Variants in TAMM41 observed in about 807,000 individuals in gnomAD.
The protein encoded by TAMM41 is TAM41 mitochondrial translocator assembly and maintenance homolog.
Under a neutral mutation model 44.1 loss-of-function variants are expected in TAMM41, and 36 were observed. That is an observed-to-expected ratio of 0.82 (90% CI 0.63 to 1.08). The LOEUF is 1.08. Ranked by LOEUF, TAMM41 falls within the 50% of genes least tolerant of loss-of-function variation. TAMM41 has a pLI of 0.00. For missense variants in TAMM41, 417 were observed against 404.3 expected, an observed-to-expected ratio of 1.03 and a Z score of -0.27; for synonymous variants, 164 against 153.1, an observed-to-expected ratio of 1.07 and a Z score of -0.53.
At chr3:11,820,176 C>A (rs142546312) in intron 4 of TAMM41, among the ~76,000 whole-genome samples, 1 of 152,090 alleles carries the variant, frequency 6.6e-6, no homozygotes, top group Non-Finnish European at 1.5e-5. Context: ...AATCCTTACA[C>A]GTATAAAAAT....
chr3:11,775,171 T>A, the TAMM41 span, among the ~76,000 whole-genome samples: 3 of 151,888 alleles, frequency 2.0e-5, no homozygotes, highest in African/African-American at 4.8e-5. Flanking sequence ...TGGCCTTTTT[T>A]AATATTAAGA....
At chr3:11,755,789 C>A in the TAMM41 span, among the ~76,000 whole-genome samples, 1 of 152,168 alleles carries the variant, frequency 6.6e-6, no homozygotes, top group Admixed American at 6.5e-5. Flanking sequence ...CTTCCAGAAC[C>A]GGCTCTTACA....
At chr3:11,770,361 C>G in the TAMM41 span, among the ~76,000 whole-genome samples, 104,237 of 151,996 alleles carry the variant, frequency 0.69, 37,327 homozygotes, top group Admixed American at 0.78. Context: ...GGTCCAGCCT[C>G]TCTAACAACT....
the TAMM41 span, among the ~76,000 whole-genome samples, chr3:11,779,005 G>C: frequency 6.6e-6 from 1 of 152,128 alleles, no homozygotes; most frequent in Non-Finnish European, 1.5e-5. Flanking sequence ...CCCAACGTTG[G>C]AAATGGGGCC....
chr3:11,755,358 G>A, the TAMM41 span, among the ~76,000 whole-genome samples: 91 of 152,254 alleles, frequency 6.0e-4, no homozygotes, highest in African/African-American at 2.1e-3. Flanking sequence ...AAGAAGAGTC[G>A]GCTTGTGGGG....
chr3:11,754,968 G>A, the TAMM41 span, among the ~76,000 whole-genome samples: 1 of 152,040 alleles, frequency 6.6e-6, no homozygotes, highest in African/African-American at 2.4e-5. Flanking sequence ...CCAAAGTGCT[G>A]GGATTACAGG....
At chr3:11,745,365 A>T in the TAMM41 span, among the ~76,000 whole-genome samples, 1 of 152,210 alleles carries the variant, frequency 6.6e-6, no homozygotes, top group African/African-American at 2.4e-5. Context: ...ACTCAAAGAG[A>T]TATTAGTATA....
chr3:11,811,788 G>A (rs189277291), intron 5 of TAMM41, among the ~76,000 whole-genome samples: 24 of 152,318 alleles, frequency 1.6e-4, no homozygotes, highest in Admixed American at 9.8e-4. Flanking sequence ...TGGGTGAGGG[G>A]AGAGCTGGGG....
chr3:11,746,505 A>G, the TAMM41 span, among the ~76,000 whole-genome samples: 1 of 152,066 alleles, frequency 6.6e-6, no homozygotes. Flanking sequence ...CAAATTGGGG[A>G]ATATTCCTGC....
chr3:11,763,063 A>T, the TAMM41 span, among the ~76,000 whole-genome samples: 1 of 152,184 alleles, frequency 6.6e-6, no homozygotes, highest in Non-Finnish European at 1.5e-5. Flanking sequence ...AATAAAAGAA[A>T]TTGATTTTGA....
At chr3:11,733,382 T>C in the TAMM41 span, among the ~76,000 whole-genome samples, 2 of 152,186 alleles carry the variant, frequency 1.3e-5, no homozygotes, top group African/African-American at 2.4e-5. Context: ...TGAGGCCTTT[T>C]ACCCTTCTGC....
At chr3:11,775,690 A>C in the TAMM41 span, among the ~76,000 whole-genome samples, 31 of 152,354 alleles carry the variant, frequency 2.0e-4, no homozygotes, top group African/African-American at 7.2e-4. Flanking sequence ...ACAATAGCCA[A>C]GATATGGAAA....
At chr3:11,757,356 G>A in the TAMM41 span, among the ~76,000 whole-genome samples, 3 of 152,204 alleles carry the variant, frequency 2.0e-5, no homozygotes, top group Non-Finnish European at 4.4e-5. Context: ...CAAGAGCACT[G>A]TTCTGCTGGA....
At chr3:11,773,097 C>G in the TAMM41 span, among the ~76,000 whole-genome samples, 1 of 152,112 alleles carries the variant, frequency 6.6e-6, no homozygotes, top group Non-Finnish European at 1.5e-5. Flanking sequence ...GCTGGGATTA[C>G]AGGCACACAC....
the TAMM41 span, among the ~76,000 whole-genome samples, chr3:11,762,106 C>T: frequency 6.6e-6 from 1 of 152,090 alleles, no homozygotes; most frequent in Admixed American, 6.6e-5. Context: ...CCTGCTTCTC[C>T]ACCCAGAGCC....
chr3:11,828,656 G>A (rs1326719200), intron 4 of TAMM41, among the ~76,000 whole-genome samples: 1 of 152,200 alleles, frequency 6.6e-6, no homozygotes, highest in Non-Finnish European at 1.5e-5. Flanking sequence ...TTTGTTGGAA[G>A]GCAGGGAGGC....
chr3:11,832,714 G>A (rs1026054339), intron 3 of TAMM41, among the ~76,000 whole-genome samples: 2 of 152,192 alleles, frequency 1.3e-5, no homozygotes, highest in Admixed American at 1.3e-4. Context: ...ACAACTCTGT[G>A]ATGTCTCTCT....
chr3:11,794,028 A>T (rs1157784686), intron 7 of TAMM41, among the ~76,000 whole-genome samples: 2 of 152,222 alleles, frequency 1.3e-5, no homozygotes, highest in African/African-American at 4.8e-5. Context: ...GCACCTGTAT[A>T]AGCAAGACAC....
the TAMM41 span, among the ~76,000 whole-genome samples, chr3:11,731,528 G>A: frequency 6.6e-6 from 1 of 152,120 alleles, no homozygotes; most frequent in African/African-American, 2.4e-5. Flanking sequence ...ACTCAAAAAA[G>A]TGAAGTGCCC....
Sources: allele counts gnomAD v4.1 joint callset (sites outside exome capture counted in the v4.1 genomes callset), GRCh38; gene constraint gnomAD v4.1.1; transcripts MANE v1.5; gene names NCBI Gene and HGNC (gene_info 2026-07-23, HGNC 2026-07-21).